Variants in PITPNM2 observed in about 807,000 individuals in gnomAD.
PITPNM2 encodes phosphatidylinositol transfer protein membrane associated 2.
In PITPNM2, 35 loss-of-function variants were observed where a neutral mutation model predicts 132.2. The observed-to-expected ratio is 0.26, with a 90% CI of 0.20 to 0.35. The LOEUF is 0.35. Ranked by LOEUF, PITPNM2 falls within the 10% of genes least tolerant of loss-of-function variation. The pLI, the probability that PITPNM2 is intolerant of heterozygous loss-of-function variation, is 1.00. For missense variants in PITPNM2, 1,332 were observed against 1,912.0 expected (o/e 0.70, Z 5.66); for synonymous variants, 738 against 799.2 (o/e 0.92, Z 1.29).
At position 122,994,084 on chromosome 12, in the gene PITPNM2, G is replaced by C. The variant is rs968781601; in HGVS notation, c.2233+717C>G. Among the ~76,000 whole-genome samples, 23 of 150,386 alleles carry C rather than the reference G, an allele frequency of 1.5e-4. No individual in the cohort carries two copies. Among genetic ancestry groups the C allele is most frequent in the Admixed American group, 5.9e-4 (9 of 15,260 alleles). On this transcript the variant is annotated intron_variant, in intron 15 of 25. Transcript: ENST00000320201. The surrounding 1 kb of genome is among the most constrained non-coding windows in gnomAD (Gnocchi z 5.4). ...AGACGGGGTTTCTCCATGTTGGTCA[G>C]GCTGGTCTCAAACTCCTGACCTCAG...
Position 122,986,089 on chromosome 12 carries a change from C to G in PITPNM2, c.3988G>C (p.Gly1330Arg). Reference sequence around the variant, plus strand: ...CCAGTCATGGCGCGGCCCCAGCAGCCGGCCGCCACACTCATGCTGCGCTGG... The same window carrying G: ...CCAGTCATGGCGCGGCCCCAGCAGCGGGCCGCCACACTCATGCTGCGCTGG... ...RGQRSMSVAA[G>R]CWGRAMTGRL... The change falls in exon 26 of 26, where the codon GGC (glycine) becomes CGC (arginine). Residue 1330 changes from glycine to arginine, a missense_variant. By Grantham distance (125) the Gly-to-Arg change is moderately radical. Coordinates refer to ENST00000320201, the MANE Select transcript of PITPNM2 (RefSeq NM_020845.3). 6.9e-7 allele frequency: 1 copy of G among 1,442,322 alleles called. No individual in the cohort carries two copies. Among genetic ancestry groups the G allele is most frequent in the East Asian group, 2.9e-5 (1 of 34,652 alleles). The allele number at this position is 1,442,322 out of a possible 1,614,324, so 89.3% of individuals were successfully genotyped here. A position where few individuals can be genotyped will look rare whatever the true frequency, so the allele number is the denominator to read the frequency against.
At chr12:123,045,348 A>G (rs1248127573) in intron 2 of PITPNM2, among the ~76,000 whole-genome samples, 1 of 151,966 alleles carries the variant, frequency 6.6e-6, no homozygotes, top group African/African-American at 2.4e-5. Context: ...TCTCTTTCCA[A>G]CCCACTTTGA....
chr12:123,036,007 C>T lies in PITPNM2; in HGVS notation c.-95-1322G>A, dbSNP rs536497609. 6.6e-6 allele frequency among the ~76,000 whole-genome samples: 1 copy of T among 152,082 alleles called. No homozygotes were observed. The highest frequency in any genetic ancestry group is 2.4e-5 in the African/African-American group (1 of 41,414). ...CAGAGTAGCTGGGACTACAGATGCA[C>T]GCCACCCACACCCGGCTAACGGTAG... On this transcript the variant is annotated intron_variant, in intron 2 of 25. Transcript: ENST00000320201. The surrounding 1 kb of genome is among the most constrained non-coding windows in gnomAD (Gnocchi z 4.1).
In PITPNM2 at chr12:123,006,305, T is replaced by C. The variant is rs189463178; in HGVS notation, c.644-757A>G. On this transcript the variant is annotated intron_variant, in intron 6 of 25. Transcript: ENST00000320201. Reference sequence around the variant, plus strand: ...TTCTTTTGTTTTTTTAAAAAAAGCTTTTAGTAGAATATATTATGCACGTGA... The same window carrying C: ...TTCTTTTGTTTTTTTAAAAAAAGCTCTTAGTAGAATATATTATGCACGTGA... Among the ~76,000 whole-genome samples, 687 of 152,192 alleles carry C rather than the reference T, an allele frequency of 4.5e-3. 4 individuals are homozygous for C. The highest frequency in any genetic ancestry group is 0.017 in the South Asian group (84 of 4,824).
intron 8 of PITPNM2, among the ~76,000 whole-genome samples, chr12:123,003,507 C>T (rs1330880707): frequency 6.6e-6 from 1 of 152,210 alleles, no homozygotes; most frequent in African/African-American, 2.4e-5. Flanking sequence ...AGCCACCATT[C>T]CAGGTCCTCC....
At chr12:123,148,265 G>GATCTC (rs1159136928) in intron 1 of PITPNM2, among the ~76,000 whole-genome samples, 1 of 152,218 alleles carries the variant, frequency 6.6e-6, no homozygotes, top group Non-Finnish European at 1.5e-5. Flanking sequence ...CAAAGGGATT[G>GATCTC]ATCTCATCTA....
intron 2 of PITPNM2, among the ~76,000 whole-genome samples, chr12:123,045,102 G>T (rs919444566): frequency 1.3e-5 from 2 of 152,154 alleles, no homozygotes; most frequent in African/African-American, 4.8e-5. Context: ...GTCATTCAGG[G>T]ACCTTCTCCC....
chr12:123,018,357 C>T (rs7398697), intron 3 of PITPNM2, among the ~76,000 whole-genome samples: 6,228 of 144,080 alleles, frequency 0.043, 176 homozygotes, highest in East Asian at 0.17. Flanking sequence ...TGCAGTGGCA[C>T]GATCTAGGCT....
At chr12:123,118,557 A>G (rs1365028650) in intron 1 of PITPNM2, among the ~76,000 whole-genome samples, 1 of 152,234 alleles carries the variant, frequency 6.6e-6, no homozygotes, top group African/African-American at 2.4e-5. Flanking sequence ...CCAATAGTGG[A>G]AAACATTAGT....
chr12:123,043,203 G>T (rs887671005), intron 2 of PITPNM2, among the ~76,000 whole-genome samples: 3 of 152,084 alleles, frequency 2.0e-5, no homozygotes, highest in Non-Finnish European at 4.4e-5. Context: ...TCAGGAAGCA[G>T]GCAGAGAGCT....
intron 1 of PITPNM2, among the ~76,000 whole-genome samples, chr12:123,133,791 A>AACACACACACACAC (rs536799715): frequency 3.3e-5 from 3 of 89,780 alleles, no homozygotes; most frequent in African/African-American, 8.5e-5. Flanking sequence ...ATTATTAATG[A>AACACACACACACAC]ACACACACAC....
In PITPNM2 at chr12:123,095,849, G is replaced by A. The variant is rs747644300; in HGVS notation, c.-96+14536C>T. Among the ~76,000 whole-genome samples, 1 of 152,332 alleles carries A rather than the reference G, an allele frequency of 6.6e-6. No individual in the cohort carries two copies. Among genetic ancestry groups the A allele is most frequent in the East Asian group, 1.9e-4 (1 of 5,176 alleles). The stretch of plus-strand genomic sequence containing the variant: ...GCACCCCACAGGATCTAAACCAAGC[G>A]TCAGCACCTGAGGCTCCCTTCATGG... On this transcript the variant is annotated intron_variant, in intron 2 of 25. Transcript: ENST00000320201. This position sits in a 1 kb window ranked among gnomAD's most constrained non-coding sequence, Gnocchi z 5.0.
At position 122,993,641 on chromosome 12, in the gene PITPNM2, T is replaced by C. The variant is rs1360112602; in HGVS notation, c.2234-972A>G. Reference sequence around the variant, plus strand: ...TTAAGTTGGTTCTGGTTTTTCACAATGACACATAATGGGACCACAACGGTA... The same window carrying C: ...TTAAGTTGGTTCTGGTTTTTCACAACGACACATAATGGGACCACAACGGTA... On this transcript the variant is annotated intron_variant, in intron 15 of 25. Transcript: ENST00000320201. This position sits in a 1 kb window ranked among gnomAD's most constrained non-coding sequence, Gnocchi z 5.2. 6.6e-6 allele frequency among the ~76,000 whole-genome samples: 1 copy of C among 152,346 alleles called. No individual in the cohort carries two copies. Among genetic ancestry groups the C allele is most frequent in the South Asian group, 2.1e-4 (1 of 4,830 alleles).
At chr12:123,124,021 C>T (rs1051353895) in intron 1 of PITPNM2, among the ~76,000 whole-genome samples, 1 of 151,946 alleles carries the variant, frequency 6.6e-6, no homozygotes, top group Non-Finnish European at 1.5e-5. Context: ...TTTGGGAGGC[C>T]GACGCGGGCA....
chr12:123,012,399 A>T (rs1231128888), intron 5 of PITPNM2, among the ~76,000 whole-genome samples: 2 of 152,180 alleles, frequency 1.3e-5, no homozygotes, highest in Non-Finnish European at 2.9e-5. Context: ...TGGAAAAGGC[A>T]CTTGGACTTG....
In PITPNM2 at chr12:122,988,796, C is replaced by G; in HGVS notation, c.2808G>C (p.Thr936=). ...YCPDALTAFP[T]VALPHLFHAS... is the part of the protein sequence containing the mutation. ...CGTGGAAGAGGTGAGGCAGAGCCAC[C>G]GTGGGGAAGGCCGTGAGGGCGTCAG... Residue 936 remains threonine, a synonymous_variant, in exon 19 of 26, where the codon ACG becomes ACC. Transcript: ENST00000320201. 1 of 1,584,552 alleles carries G rather than the reference C, an allele frequency of 6.3e-7. No individual in the cohort carries two copies. Among genetic ancestry groups the G allele is most frequent in the Non-Finnish European group, 8.6e-7 (1 of 1,165,524 alleles).
At chr12:122,989,098 C>A (rs1486620430) in intron 18 of PITPNM2, among the ~76,000 whole-genome samples, 1 of 152,194 alleles carries the variant, frequency 6.6e-6, no homozygotes, top group Non-Finnish European at 1.5e-5. Context: ...TGAGGGGCTC[C>A]TGCGGTTGCG....
rs200201006 is a variant in PITPNM2, at chr12:123,000,827, G to A, written c.1175C>T (p.Ala392Val). Reference sequence around the variant, plus strand: ...ACTGGAGGCCACCCTGAACTCAGGGGCACCCTGGCGGTACAGACCATCTGC... The same window carrying A: ...ACTGGAGGCCACCCTGAACTCAGGGACACCCTGGCGGTACAGACCATCTGC... ...DTQDGLYRQG[A>V]PEFRVASSVE... Residue 392 changes from alanine to valine, a missense_variant, in exon 10 of 26, where the codon GCC (alanine) becomes GTC (valine). Physicochemically the swap from Ala to Val is moderately conservative, Grantham distance 64. Transcript: ENST00000320201. This position sits in a 1 kb window ranked among gnomAD's most constrained non-coding sequence, Gnocchi z 5.4. The A allele has an allele frequency of 6.2e-6, 10 of 1,613,946 alleles. No individual in the cohort carries two copies. Among genetic ancestry groups the A allele is most frequent in the Non-Finnish European group, 6.8e-6 (8 of 1,180,050 alleles).
At chr12:123,016,870 C>G (rs867636070) in intron 3 of PITPNM2, among the ~76,000 whole-genome samples, 3 of 148,590 alleles carry the variant, frequency 2.0e-5, no homozygotes, top group African/African-American at 7.5e-5. Flanking sequence ...ATGGTGAAAC[C>G]CTGTCTCTAC....
Sources: allele counts gnomAD v4.1 joint callset (sites outside exome capture counted in the v4.1 genomes callset), GRCh38; gene constraint gnomAD v4.1.1; non-coding constraint Gnocchi (gnomAD v3.1); transcripts MANE v1.5; gene names NCBI Gene and HGNC (gene_info 2026-07-23, HGNC 2026-07-21).